The following STAG1 variants were observed in gnomAD, a reference collection of about 807,000 sequenced individuals.
The protein encoded by STAG1 is STAG1 cohesin complex component, also known as cohesin subunit SA-1.
Under a neutral mutation model 170.9 loss-of-function variants are expected in STAG1, and 26 were observed. That is an observed-to-expected ratio of 0.15 (90% confidence interval 0.11 to 0.21). The LOEUF is 0.21. Ranked by LOEUF, STAG1 falls within the 10% of genes least tolerant of loss-of-function variation. The pLI is 1.00. For missense variants in STAG1, 964 were observed against 1,509.5 expected (o/e 0.64, Z 5.99); for synonymous variants, 514 against 497.7 (o/e 1.03, Z -0.44).
intron 7 of STAG1, among the ~76,000 whole-genome samples, chr3:136,506,282 T>C (rs1473347232): frequency 6.6e-6 from 1 of 152,082 alleles, no homozygotes; most frequent in Non-Finnish European, 1.5e-5. Context: ...TGATGCTGGC[T>C]TAGATTAACG....
At chr3:136,553,874 A>T (rs952179663) in intron 5 of STAG1, among the ~76,000 whole-genome samples, 1 of 152,198 alleles carries the variant, frequency 6.6e-6, no homozygotes, top group Non-Finnish European at 1.5e-5. Flanking sequence ...ATAGAACAGG[A>T]GGGGCAAAGA....
At chr3:136,368,585 G>A (rs1250850972) in intron 24 of STAG1, among the ~76,000 whole-genome samples, 5 of 152,094 alleles carry the variant, frequency 3.3e-5, no homozygotes, top group Admixed American at 1.3e-4. Flanking sequence ...AATGACAAAT[G>A]TACACTACTA....
intron 13 of STAG1, among the ~76,000 whole-genome samples, chr3:136,453,366 C>G (rs1314463178): frequency 1.3e-5 from 2 of 151,976 alleles, no homozygotes; most frequent in Non-Finnish European, 2.9e-5. Flanking sequence ...CCGAGGCAGG[C>G]AGATCATGAA....
rs1042337030 is a variant in STAG1, at chr3:136,452,169, T to C, written c.1314-22A>G. ...TAGCCTGGAAATGAAAAACAGGGCA[T>C]TGCAAAGTTACATGAATATGAACTT... On this transcript the variant is annotated intron_variant, in intron 13 of 33. Transcript: ENST00000383202. 5 of 1,490,960 alleles carry C rather than the reference T, an allele frequency of 3.4e-6. No homozygotes were observed. The Admixed American group carries it at 5.2e-5, about 15-fold the overall frequency. The allele number at this position is 1,490,960 out of a possible 1,614,324, so 92.4% of individuals were successfully genotyped here.
intron 12 of STAG1, among the ~76,000 whole-genome samples, chr3:136,470,386 T>A (rs1442257569): frequency 6.6e-6 from 1 of 152,192 alleles, no homozygotes. Context: ...CGTGAAATAA[T>A]GCTCATCATC....
chr3:136,583,041 ATTTC>A (rs1937626975), intron 4 of STAG1, among the ~76,000 whole-genome samples: 1 of 152,146 alleles, frequency 6.6e-6, no homozygotes, highest in African/African-American at 2.4e-5. Flanking sequence ...TAGCTGCATT[ATTTC>A]TTTATTACAA....
chr3:136,380,179 T>C (rs1365797314), intron 22 of STAG1, among the ~76,000 whole-genome samples: 1 of 152,144 alleles, frequency 6.6e-6, no homozygotes, highest in African/African-American at 2.4e-5. Flanking sequence ...TGGGGCTGTC[T>C]GACTCTAAAG....
At chr3:136,587,800 CAAAAAT>C (rs1157672614) in intron 4 of STAG1, among the ~76,000 whole-genome samples, 1 of 151,914 alleles carries the variant, frequency 6.6e-6, no homozygotes, top group African/African-American at 2.4e-5. Flanking sequence ...ACCAAAAACA[CAAAAAT>C]TAGCCAGCCA....
At chr3:136,524,720 C>T (rs1041027302) in intron 6 of STAG1, among the ~76,000 whole-genome samples, 8 of 145,484 alleles carry the variant, frequency 5.5e-5, no homozygotes, top group Non-Finnish European at 9.4e-5. Context: ...CAGTATGATA[C>T]TGGCTGTGGG....
chr3:136,612,644 C>A (rs900614540), intron 3 of STAG1, among the ~76,000 whole-genome samples: 2 of 152,210 alleles, frequency 1.3e-5, no homozygotes, highest in Non-Finnish European at 2.9e-5. Context: ...CGTTCCACTG[C>A]ACTCTCTCCA....
intron 5 of STAG1, among the ~76,000 whole-genome samples, chr3:136,560,104 T>C (rs544697404): frequency 1.3e-5 from 2 of 152,314 alleles, no homozygotes; most frequent in Non-Finnish European, 2.9e-5. Context: ...AACTCTTAGA[T>C]TAAGTGCTCC....
At chr3:136,651,438 T>C (rs112985689) in intron 1 of STAG1, among the ~76,000 whole-genome samples, 98 of 150,310 alleles carry the variant, frequency 6.5e-4, no homozygotes, top group African/African-American at 2.3e-3. Flanking sequence ...CAGACTCTGA[T>C]CTTGGCTGTA....
At chr3:136,525,682 G>C (rs1934975514) in intron 6 of STAG1, among the ~76,000 whole-genome samples, 1 of 152,104 alleles carries the variant, frequency 6.6e-6, no homozygotes, top group Non-Finnish European at 1.5e-5. Context: ...TTTCAATTGT[G>C]ATGTTAGGGT....
chr3:136,498,147 G>C (rs1933222724), intron 9 of STAG1, among the ~76,000 whole-genome samples: 1 of 144,130 alleles, frequency 6.9e-6, no homozygotes, highest in South Asian at 2.2e-4. Context: ...AGCCGACATT[G>C]TGCCAGTGCA....
intron 1 of STAG1, among the ~76,000 whole-genome samples, chr3:136,713,582 C>CA (rs139182292): frequency 0.11 from 13,718 of 119,850 alleles, 667 homozygotes; most frequent in Non-Finnish European, 0.13. Context: ...AACTCCACCT[C>CA]AAAAAAAAAA....
At chr3:136,686,861 A>C (rs1176942049) in intron 1 of STAG1, among the ~76,000 whole-genome samples, 1 of 152,180 alleles carries the variant, frequency 6.6e-6, no homozygotes, top group Non-Finnish European at 1.5e-5. Flanking sequence ...AGCAATCCTA[A>C]TTCACTTTAG....
At chr3:136,469,274 A>C (rs1417771694) in intron 12 of STAG1, among the ~76,000 whole-genome samples, 12 of 152,244 alleles carry the variant, frequency 7.9e-5, no homozygotes, top group Admixed American at 1.3e-4. Context: ...CTGATAAGCA[A>C]CTTCAGCAAA....
chr3:136,531,908 A>T (rs971531701), intron 6 of STAG1, among the ~76,000 whole-genome samples: 153 of 86,336 alleles, frequency 1.8e-3, no homozygotes, highest in African/African-American at 0.011. Flanking sequence ...CTTAAAGTAT[A>T]AAAAAAAAAA....
intron 9 of STAG1, 65 bp downstream of exon 9, chr3:136,500,158 G>T: frequency 3.8e-6 from 4 of 1,066,496 alleles, no homozygotes; most frequent in Non-Finnish European, 5.6e-6. Context: ...GTTAGCCTGG[G>T]CCACAAAAAA....
Sources: gnomAD v4.1 joint callset for allele counts (sites outside exome capture counted in the v4.1 genomes callset) on GRCh38, gnomAD v4.1.1 for gene constraint, MANE v1.5 for transcripts, NCBI Gene and HGNC (gene_info 2026-07-23, HGNC 2026-07-21) for gene names.